The following VWA7 variants were observed in gnomAD, a reference collection of about 807,000 sequenced individuals.
VWA7 encodes von Willebrand factor A domain-containing protein 7.
A neutral mutation model predicts 83.1 loss-of-function variants in VWA7; 66 were observed. That is an observed-to-expected ratio of 0.79 (90% confidence interval 0.65 to 0.98). VWA7 has a LOEUF of 0.98. Among genes scored for constraint, VWA7 ranks in the 50% least tolerant of loss-of-function variants. The pLI, the probability that VWA7 is intolerant of heterozygous loss-of-function variation, is 0.00. For missense variants in VWA7, 1,080 were observed against 1,160.2 expected (o/e 0.93, Z 1.00); for synonymous variants, 424 against 488.5 (o/e 0.87, Z 1.74).
rs1812017259 is a variant in VWA7 at position 31,770,000 on chromosome 6, C to A, written c.1200+1G>T. 4 of 1,612,600 alleles carry A rather than the reference C, an allele frequency of 2.5e-6. No homozygotes were observed. The highest frequency in any genetic ancestry group is 1.6e-4 in the Middle Eastern group (1 of 6,084). On this transcript the variant is annotated splice_donor_variant, in intron 8 of 16. Coordinates refer to ENST00000375688, the MANE Select transcript of VWA7 (RefSeq NM_025258.3). LOFTEE classifies it high-confidence loss of function. The surrounding 1 kb of genome is among the most constrained non-coding windows in gnomAD (Gnocchi z 4.5). ...AACGGGGAAGAAGGGAGGGGCCAGA[C>A]CTGCAGGGCTGACAGGCACATCTCA...
At position 31,777,223 on chromosome 6, in the gene VWA7, G is replaced by T. The variant is rs912171786; in HGVS notation, c.-130C>A. The T allele has an allele frequency of 7.0e-6, 3 of 427,514 alleles. No homozygotes were observed. The highest frequency in any genetic ancestry group is 3.6e-5 in the South Asian group (1 of 27,612). The allele number at this position is 427,514 out of a possible 1,614,324, so 26.5% of individuals were successfully genotyped here. ...AGGGGGAGGAAGGCCTCAACAGGGT[G>T]GGGGAGGACAGGCAACCCCTGGCCC... On this transcript the variant is annotated 5_prime_UTR_variant, in exon 1 of 17. Coordinates refer to ENST00000375688, the MANE Select transcript of VWA7 (RefSeq NM_025258.3). This position sits in a 1 kb window ranked among gnomAD's most constrained non-coding sequence, Gnocchi z 5.8.
chr6:31,771,990 C>CAA (rs34193146), intron 7 of VWA7, among the ~76,000 whole-genome samples: 1,290 of 41,882 alleles, frequency 0.031, 121 homozygotes, highest in Middle Eastern at 0.077. Context: ...GACTCCGTCT[C>CAA]AAAAAAAAAA....
At position 31,766,521 on chromosome 6, in the gene VWA7, C is replaced by G; in HGVS notation, c.2126G>C (p.Gly709Ala). 1 of 1,608,838 alleles carries G rather than the reference C, an allele frequency of 6.2e-7. No homozygotes were observed. Among genetic ancestry groups the G allele is most frequent in the South Asian group, 1.1e-5 (1 of 90,832 alleles). Residue 709 changes from glycine (G) to alanine (A), a missense_variant, in exon 14 of 17, where the codon GGG becomes GCG. Physicochemically the swap from Gly to Ala is moderately conservative, Grantham distance 60. Transcript: ENST00000375688. This position sits in a 1 kb window ranked among gnomAD's most constrained non-coding sequence, Gnocchi z 4.9. Reference protein sequence around the residue: ...SLELIGQDAAGRRLHRAAPQP... With the variant: ...SLELIGQDAAARRLHRAAPQP... ...AGGGGCAGCCCTGTGCAGGCGCCGC[C>G]CCGCTGCGTCCTGGCCAATCAGCTC...
In VWA7 at chr6:31,776,803, C is replaced by G; in HGVS notation, c.-15-9G>C. The G allele has an allele frequency of 1.5e-6, 2 of 1,341,758 alleles. No homozygotes were observed. Among genetic ancestry groups the G allele is most frequent in the Non-Finnish European group, 9.7e-7 (1 of 1,026,846 alleles). The allele number at this position is 1,341,758 out of a possible 1,614,324, so 83.1% of individuals were successfully genotyped here. A position where few individuals can be genotyped will look rare whatever the true frequency, so the allele number is the denominator to read the frequency against. ...ATGGCTGAGACATGGACCTGGGAGA[C>G]AGAAGGCTCTCAAGGGAGGAGGAAG... On this transcript the variant is annotated splice_polypyrimidine_tract_variant and intron_variant, in intron 1 of 16. Transcript: ENST00000375688. The surrounding 1 kb of genome is among the most constrained non-coding windows in gnomAD (Gnocchi z 6.2).
rs746535701 is a variant in VWA7 at position 31,769,145 on chromosome 6, A to T, written c.1376T>A (p.Ile459Asn). The T allele has an allele frequency of 1.9e-5, 31 of 1,613,090 alleles. No homozygotes were observed. In the South Asian group the frequency reaches 3.2e-4, roughly 17 times the overall value. Residue 459 changes from isoleucine to asparagine, a missense_variant, in exon 10 of 17, where the codon ATC becomes AAC. Ile to Asn is a moderately radical substitution (Grantham distance 149). Coordinates refer to ENST00000375688, the MANE Select transcript of VWA7 (RefSeq NM_025258.3). The surrounding 1 kb of genome is among the most constrained non-coding windows in gnomAD (Gnocchi z 4.5). ...SRVQGRARRE[I>N]LSPLRFEPYK... is the part of the protein sequence containing the mutation. ...TGGCTCAAAACGCAGAGGGGACAAG[A>T]TCTCACGCCGAGCTCGACCCTGAAC...
chr6:31,767,113 T>A (rs707935), intron 13 of VWA7, 45 bp downstream of exon 13: 38,286 of 480,448 alleles, frequency 0.08, 2,149 homozygotes, highest in African/African-American at 0.2. Context: ...TATATATATA[T>A]AAAACTGGGG....
Position 31,769,939 on chromosome 6 carries a change from G to A in VWA7, c.1200+62C>T. On this transcript the variant is annotated intron_variant, in intron 8 of 16. Coordinates refer to ENST00000375688, the MANE Select transcript of VWA7 (RefSeq NM_025258.3). The surrounding 1 kb of genome is among the most constrained non-coding windows in gnomAD (Gnocchi z 4.5). Reference sequence around the variant, plus strand: ...GTGCTGAAGGTGGTGGGGAGCCCCAGGAGGGATCTAGCTCCCCCTGGTGGT... The same window carrying A: ...GTGCTGAAGGTGGTGGGGAGCCCCAAGAGGGATCTAGCTCCCCCTGGTGGT... 1.3e-6 allele frequency: 2 copies of A among 1,556,298 alleles called. No individual in the cohort carries two copies. The highest frequency in any genetic ancestry group is 8.8e-7 in the Non-Finnish European group (1 of 1,130,348).
chr6:31,777,309 G>C lies in VWA7; in HGVS notation c.-216C>G, dbSNP rs9461725. 6.3e-3 allele frequency: 3,352 copies of C among 534,756 alleles called. 26 individuals carry two copies. The highest frequency in any genetic ancestry group is 0.021 in the African/African-American group (1,075 of 52,340). The allele number at this position is 534,756 out of a possible 1,614,324, so 33.1% of individuals were successfully genotyped here. On this transcript the variant is annotated 5_prime_UTR_variant, in exon 1 of 17. Coordinates refer to ENST00000375688, the MANE Select transcript of VWA7 (RefSeq NM_025258.3). This position sits in a 1 kb window ranked among gnomAD's most constrained non-coding sequence, Gnocchi z 5.8. ...CCCACGCCAGGGCGGGCCTCCCTTG[G>C]CTGCAGTGCGGAGGTGAGTGAGAGC...
In VWA7 at chr6:31,777,325, G is replaced by A. The variant is rs1435977173; in HGVS notation, c.-232C>T. 3.5e-6 allele frequency: 2 copies of A among 564,116 alleles called. No individual in the cohort carries two copies. Among genetic ancestry groups the A allele is most frequent in the Non-Finnish European group, 6.3e-6 (2 of 317,018 alleles). The allele number at this position is 564,116 out of a possible 1,614,324, so 34.9% of individuals were successfully genotyped here. A position where few individuals can be genotyped will look rare whatever the true frequency, so the allele number is the denominator to read the frequency against. ...CCTCCCTTGGCTGCAGTGCGGAGGT[G>A]AGTGAGAGCTGGGGAGGAGGAAGGG... On this transcript the variant is annotated 5_prime_UTR_variant, in exon 1 of 17. Transcript: ENST00000375688. This position sits in a 1 kb window ranked among gnomAD's most constrained non-coding sequence, Gnocchi z 5.8.
rs751589564 is a variant in VWA7 at position 31,773,466 on chromosome 6, G to A, written c.722-29C>T. The A allele has an allele frequency of 5.9e-6, 9 of 1,529,852 alleles. No individual in the cohort carries two copies. Among genetic ancestry groups the A allele is most frequent in the Non-Finnish European group, 7.9e-6 (9 of 1,137,956 alleles). The allele number at this position is 1,529,852 out of a possible 1,614,324, so 94.8% of individuals were successfully genotyped here. On this transcript the variant is annotated intron_variant, in intron 5 of 16. Coordinates refer to ENST00000375688, the MANE Select transcript of VWA7 (RefSeq NM_025258.3). This position sits in a 1 kb window ranked among gnomAD's most constrained non-coding sequence, Gnocchi z 5.3. ...GGTTGGGGAAAGGGATCTGGAGAGT[G>A]GAGGTCAAAAACCCACTGCCTCCTA... is the stretch of plus-strand genomic sequence containing the variant.
chr6:31,769,028 A>C lies in VWA7; in HGVS notation c.1493T>G (p.Met498Arg). The C allele has an allele frequency of 6.2e-7, 1 of 1,611,458 alleles. No homozygotes were observed. Among genetic ancestry groups the C allele is most frequent in the Non-Finnish European group, 8.5e-7 (1 of 1,179,360 alleles). ...CTGGCCCCCACTTACCAGGGCAGCC[A>C]TGCTCTCCCCAACAATGGCTGCCAC... ...RDVAAIVGES[M>R]AALVTLPLDP... Residue 498 changes from methionine (M) to arginine (R), a missense_variant, in exon 10 of 17, where the codon ATG becomes AGG. By Grantham distance (91) the Met-to-Arg change is moderately conservative. Transcript: ENST00000375688. The surrounding 1 kb of genome is among the most constrained non-coding windows in gnomAD (Gnocchi z 4.5).
chr6:31,775,563 C>T lies in VWA7; in HGVS notation c.514-134G>A. The T allele has an allele frequency of 1.4e-6, 1 of 718,390 alleles. No individual in the cohort carries two copies. The highest frequency in any genetic ancestry group is 1.8e-5 in the African/African-American group (1 of 56,374). 44.5% of individuals were successfully genotyped at this position (718,390 alleles called of 1,614,324 possible). A position where few individuals can be genotyped will look rare whatever the true frequency, so the allele number is the denominator to read the frequency against. On this transcript the variant is annotated intron_variant, in intron 3 of 16. Coordinates refer to ENST00000375688, the MANE Select transcript of VWA7 (RefSeq NM_025258.3). This position sits in a 1 kb window ranked among gnomAD's most constrained non-coding sequence, Gnocchi z 5.9. ...CCACCCCTACTGCTCCCACCAGACA[C>T]CCCAAGTCCCCTCCACTGCCCTCTC...
intron 7 of VWA7, chr6:31,771,709 GC>G (rs1812189066): frequency 6.6e-6 from 1 of 152,082 alleles, no homozygotes; most frequent in Non-Finnish European, 1.5e-5. Context: ...ATTGAAAATG[GC>G]GGCCGGGCAC....
Position 31,769,888 on chromosome 6 carries a change from C to T in VWA7, c.1201-97G>A. The T allele has an allele frequency of 6.7e-7, 1 of 1,484,262 alleles. No homozygotes were observed. The highest frequency in any genetic ancestry group is 9.4e-7 in the Non-Finnish European group (1 of 1,065,810). The allele number at this position is 1,484,262 out of a possible 1,614,324, so 91.9% of individuals were successfully genotyped here. On this transcript the variant is annotated intron_variant, in intron 8 of 16. Transcript: ENST00000375688. This position sits in a 1 kb window ranked among gnomAD's most constrained non-coding sequence, Gnocchi z 4.5. ...AGCAGAAGGGAATATGGCCCGGGAA[C>T]CCTACAGTGAAGCTAGTGGATCTAG...
chr6:31,774,724 T>G, intron 4 of VWA7, 98 bp from the exon 5 acceptor site: 2 of 984,562 alleles, frequency 2.0e-6, no homozygotes, highest in Non-Finnish European at 3.0e-6. Context: ...CCAGCTGGGA[T>G]GAGGCGAACA....
Position 31,776,239 on chromosome 6 carries a change from G to A in VWA7, c.238C>T (p.Arg80Ter), listed in dbSNP as rs753188143. The change falls in exon 3 of 17, where the codon CGA (arginine) becomes TGA (stop). Residue 80 changes from arginine to a stop codon, truncating the protein, a stop_gained. Transcript: ENST00000375688. LOFTEE classifies it high-confidence loss of function. The surrounding 1 kb of genome is among the most constrained non-coding windows in gnomAD (Gnocchi z 6.2). ...PPLRLEDFLG[R>*]TLLADDLFAA... ...AAGAGGTCATCAGCAAGGAGTGTTC[G>A]ACCCTGGGGAGAATAGCGGGCGACG... 46 of 1,610,602 alleles carry A rather than the reference G, an allele frequency of 2.9e-5. No individual in the cohort carries two copies. The highest frequency in any genetic ancestry group is 6.7e-5 in the East Asian group (3 of 44,804).
chr6:31,776,375 CCTTT>C lies in VWA7; in HGVS notation c.235-137_235-134del. ...CCCACAAAGGAGGGACAGTCCCGGA[CCTTT>C]CTAAGGAGGGGGACTCCTAATTTCA... On this transcript the variant is annotated intron_variant, in intron 2 of 16. Transcript: ENST00000375688. This position sits in a 1 kb window ranked among gnomAD's most constrained non-coding sequence, Gnocchi z 6.2. The C allele has an allele frequency of 7.3e-7, 1 of 1,360,646 alleles. No individual in the cohort carries two copies. The highest frequency in any genetic ancestry group is 9.9e-7 in the Non-Finnish European group (1 of 1,011,492). The allele number at this position is 1,360,646 out of a possible 1,614,324, so 84.3% of individuals were successfully genotyped here.
At chr6:31,770,191 AG>A in intron 7 of VWA7, 78 bp from the exon 8 acceptor site, 1 of 1,187,830 alleles carries the variant, frequency 8.4e-7, no homozygotes, top group Non-Finnish European at 1.2e-6. Flanking sequence ...TCCCCAGTTG[AG>A]GGGCCTGGTG....
In VWA7 at chr6:31,766,682, G is replaced by A. The variant is rs1811621590; in HGVS notation, c.1965C>T (p.His655=). Residue 655 remains histidine (H), a synonymous_variant, in exon 14 of 17, where the codon CAC becomes CAT. Transcript: ENST00000375688. The surrounding 1 kb of genome is among the most constrained non-coding windows in gnomAD (Gnocchi z 4.9). ...NPGDPQPHFS[H]VILRGVPEGA... ...CCTCTGGGACCCCTCGAAGGATGAC[G>A]TGGGAGAAATGCGGCTGAGGATCCC... 2 of 1,612,768 alleles carry A rather than the reference G, an allele frequency of 1.2e-6. No homozygotes were observed. The highest frequency in any genetic ancestry group is 1.7e-6 in the Non-Finnish European group (2 of 1,179,762).
Sources: allele counts gnomAD v4.1 joint callset (sites outside exome capture counted in the v4.1 genomes callset), GRCh38; gene constraint gnomAD v4.1.1; non-coding constraint Gnocchi (gnomAD v3.1); transcripts MANE v1.5; gene names NCBI Gene and HGNC (gene_info 2026-07-23, HGNC 2026-07-21).